Variants in MCTP1 observed in about 807,000 individuals in gnomAD.
MCTP1 encodes multiple C2 and transmembrane domain containing 1, also known as multiple C2 and transmembrane domain-containing protein 1.
MCTP1 carries 69 observed loss-of-function variants against 120.6 expected under a neutral mutation model. The observed-to-expected ratio is 0.57, with a 90% CI of 0.47 to 0.70. The LOEUF (loss-of-function observed/expected upper bound fraction) is 0.70. Among genes scored for constraint, MCTP1 ranks in the 30% least tolerant of loss-of-function variants. MCTP1 has a pLI of 0.00. For missense variants in MCTP1, 1,203 were observed against 1,248.8 expected, an observed-to-expected ratio of 0.96 and a Z score of 0.55; for synonymous variants, 529 against 493.1, an observed-to-expected ratio of 1.07 and a Z score of -0.96.
At chr5:94,920,843 T>C (rs572168770) in intron 7 of MCTP1, among the ~76,000 whole-genome samples, 1 of 152,212 alleles carries the variant, frequency 6.6e-6, no homozygotes, top group Admixed American at 6.5e-5. Context: ...GACACACTTT[T>C]GCTTGACCTG....
intron 1 of MCTP1, among the ~76,000 whole-genome samples, chr5:95,283,310 G>T (rs899460571): frequency 1.3e-5 from 2 of 152,254 alleles, no homozygotes; most frequent in Non-Finnish European, 1.5e-5. Flanking sequence ...CTGTCCACTT[G>T]AAGGGCGGTG....
chr5:95,271,465 G>GA (rs34340941), intron 1 of MCTP1, among the ~76,000 whole-genome samples: 123,216 of 149,734 alleles, frequency 0.82, 50,707 homozygotes, highest in African/African-American at 0.88. Flanking sequence ...CCTCAAATTA[G>GA]AAAAAAAAAA....
chr5:94,804,786 A>G (rs567950954), intron 17 of MCTP1, among the ~76,000 whole-genome samples: 2 of 152,362 alleles, frequency 1.3e-5, no homozygotes, highest in South Asian at 2.1e-4. Flanking sequence ...CACAGACTTT[A>G]TAAACTTAAT....
At chr5:95,205,344 C>G (rs1442533737) in intron 1 of MCTP1, among the ~76,000 whole-genome samples, 2 of 151,924 alleles carry the variant, frequency 1.3e-5, no homozygotes, top group Admixed American at 1.3e-4. Context: ...AAAAAATTAA[C>G]TCAAAATACA....
chr5:95,017,344 T>G, intron 2 of MCTP1, 23 bp downstream of exon 2: 6 of 1,443,766 alleles, frequency 4.2e-6, no homozygotes, highest in Non-Finnish European at 5.8e-6. Context: ...AGCTTCTAGG[T>G]GATATTGCTC....
At chr5:94,923,813 A>G (rs1224739733) in intron 7 of MCTP1, 149 bp downstream of exon 7, 1 of 512,106 alleles carries the variant, frequency 2.0e-6, no homozygotes, top group Non-Finnish European at 3.5e-6. Context: ...AGTTACCTAG[A>G]TGACTTAGAA....
Position 95,158,181 on chromosome 5 carries a change from G to A in MCTP1, c.720+125675C>T, listed in dbSNP as rs543985817. On this transcript the variant is annotated intron_variant, in intron 1 of 22. Transcript: ENST00000515393. ...AACACAGACCTGCACAATATGGACT[G>A]TGACAATATCTTGCTTTTTTTGTAA... Among the ~76,000 whole-genome samples the A allele has an allele frequency of 3.3e-5, 5 of 152,316 alleles. No homozygotes were observed. In the East Asian group the frequency reaches 9.6e-4, roughly 29 times the overall value.
intron 1 of MCTP1, among the ~76,000 whole-genome samples, chr5:95,162,569 G>T (rs1379390699): frequency 6.6e-6 from 1 of 152,066 alleles, no homozygotes; most frequent in Non-Finnish European, 1.5e-5. Flanking sequence ...TTCTAAAAAG[G>T]ATTATTCCAA....
At chr5:94,907,349 T>G (rs1272376691) in intron 10 of MCTP1, among the ~76,000 whole-genome samples, 1 of 152,184 alleles carries the variant, frequency 6.6e-6, no homozygotes, top group Non-Finnish European at 1.5e-5. Flanking sequence ...AATCTAACAC[T>G]CATTCCTTTC....
intron 1 of MCTP1, among the ~76,000 whole-genome samples, chr5:95,034,939 A>T (rs1840982686): frequency 6.6e-6 from 1 of 152,150 alleles, no homozygotes; most frequent in Non-Finnish European, 1.5e-5. Context: ...TCAAAGGAAG[A>T]TATACAAGTG....
At chr5:95,266,811 C>T (rs1394814327) in intron 1 of MCTP1, among the ~76,000 whole-genome samples, 3 of 152,150 alleles carry the variant, frequency 2.0e-5, no homozygotes, top group Admixed American at 2.0e-4. Context: ...TTTCTGATCA[C>T]TCATATTTGC....
At chr5:95,113,283 A>G (rs1757584542) in intron 1 of MCTP1, among the ~76,000 whole-genome samples, 1 of 152,132 alleles carries the variant, frequency 6.6e-6, no homozygotes, top group South Asian at 2.1e-4. Context: ...GATAACAACT[A>G]TCTCCAAACA....
At chr5:94,911,008 T>C (rs1398151691) in intron 9 of MCTP1, among the ~76,000 whole-genome samples, 2 of 152,220 alleles carry the variant, frequency 1.3e-5, no homozygotes, top group Non-Finnish European at 2.9e-5. Context: ...ATTATTTCCT[T>C]CAGGTCAGAA....
intron 1 of MCTP1, among the ~76,000 whole-genome samples, chr5:95,108,610 A>G (rs144500953): frequency 1.6e-3 from 240 of 152,354 alleles, no homozygotes; most frequent in African/African-American, 5.6e-3. Context: ...ACTTCATAAC[A>G]TTTATTCCAT....
chr5:95,067,656 G>T (rs1187681761), intron 1 of MCTP1, among the ~76,000 whole-genome samples: 1 of 151,876 alleles, frequency 6.6e-6, no homozygotes, highest in Admixed American at 6.6e-5. Flanking sequence ...ATACTTCAAT[G>T]TTTTTAAAAT....
At chr5:95,063,184 T>C (rs1290189518) in intron 1 of MCTP1, among the ~76,000 whole-genome samples, 1 of 152,218 alleles carries the variant, frequency 6.6e-6, no homozygotes, top group Admixed American at 6.5e-5. Context: ...CCAACACTGA[T>C]AGAGAAATTA....
In MCTP1 at chr5:94,705,235, A is replaced by T. The variant is rs1754273646; in HGVS notation, c.*2261T>A. The T allele has an allele frequency of 6.6e-6, 1 of 151,552 alleles. No individual in the cohort carries two copies. 9.4% of individuals were successfully genotyped at this position (151,552 alleles called of 1,614,324 possible). On this transcript the variant is annotated 3_prime_UTR_variant, in exon 23 of 23. Coordinates refer to ENST00000515393, the MANE Select transcript of MCTP1 (RefSeq NM_024717.7). ...GAGAAGGGGAAAGAAATAAATAGTTAAAATTTTAACTATACATATTCTGTT... is the reference window on the plus strand; with the variant it reads ...GAGAAGGGGAAAGAAATAAATAGTTTAAATTTTAACTATACATATTCTGTT...
At chr5:95,017,582 T>C in intron 1 of MCTP1, 98 bp from the exon 2 acceptor site, 1 of 495,728 alleles carries the variant, frequency 2.0e-6, no homozygotes, top group East Asian at 4.1e-5. Flanking sequence ...TTATAAGAAT[T>C]AGTCAATAAA....
intron 19 of MCTP1, among the ~76,000 whole-genome samples, chr5:94,750,685 G>A (rs924123650): frequency 5.9e-5 from 9 of 152,142 alleles, no homozygotes; most frequent in Non-Finnish European, 1.3e-4. Context: ...TGCCCATCCT[G>A]GATCGACAGA....
Sources: gnomAD v4.1 joint callset for allele counts (sites outside exome capture counted in the v4.1 genomes callset) on GRCh38, gnomAD v4.1.1 for gene constraint, MANE v1.5 for transcripts, NCBI Gene and HGNC (gene_info 2026-07-23, HGNC 2026-07-21) for gene names.